The following TRIP11 variants were observed in gnomAD, a reference collection of about 807,000 sequenced individuals.
TRIP11 encodes the protein thyroid hormone receptor interactor 11.
TRIP11 carries 148 observed loss-of-function variants against 223.1 expected under a neutral mutation model. That is an observed-to-expected ratio of 0.66 (90% confidence interval 0.58 to 0.76). The LOEUF (loss-of-function observed/expected upper bound fraction) is 0.76. TRIP11 is among the 30% of genes least tolerant of loss of function. TRIP11 has a pLI of 0.00. For synonymous variants in TRIP11, 762 were observed against 772.6 expected (o/e 0.99, Z 0.23); for missense variants, 2,043 against 2,222.0 (o/e 0.92, Z 1.62).
intron 10 of TRIP11, among the ~76,000 whole-genome samples, chr14:92,006,859 G>C (rs944572148): frequency 7.2e-5 from 11 of 151,754 alleles, no homozygotes; most frequent in African/African-American, 2.7e-4. Context: ...GTAGAGATGG[G>C]GTTTCTCCAT....
intron 11 of TRIP11, among the ~76,000 whole-genome samples, chr14:92,001,965 A>C (rs1400767759): frequency 6.6e-6 from 1 of 152,210 alleles, no homozygotes; most frequent in Non-Finnish European, 1.5e-5. Flanking sequence ...ACTTTAATCC[A>C]AGACTCTAAG....
chr14:91,988,309 TTC>T lies in TRIP11; in HGVS notation c.5233_5234del (p.Glu1745ThrfsTer3). 6.2e-7 allele frequency: 1 copy of T among 1,613,140 alleles called. No individual in the cohort carries two copies. Among genetic ancestry groups the T allele is most frequent in the Non-Finnish European group, 8.5e-7 (1 of 1,179,752 alleles). Reference protein sequence around the residue: ...RLTEQLDVKEEQIEELKRQNE... With the variant: ...RLTEQLDVKEXQIEELKRQNE... ...TTTGTCTTTTAAGTTCTTCAATTTGTTCTTCTTTTACATCTAACTGTTCTGTA... is the reference window on the plus strand; with the variant it reads ...TTTGTCTTTTAAGTTCTTCAATTTGTTTCTTTTACATCTAACTGTTCTGTA... On this transcript the variant is annotated frameshift_variant, in exon 16 of 21. Transcript: ENST00000267622. LOFTEE classifies it high-confidence loss of function.
intron 10 of TRIP11, among the ~76,000 whole-genome samples, chr14:92,007,215 G>A (rs145118468): frequency 3.3e-5 from 5 of 151,868 alleles, no homozygotes; most frequent in African/African-American, 7.2e-5. Context: ...TAGTAGAGAC[G>A]GGGTTTCACC....
intron 13 of TRIP11, among the ~76,000 whole-genome samples, chr14:91,996,864 G>C (rs1050229695): frequency 3.3e-5 from 5 of 152,134 alleles, no homozygotes; most frequent in Non-Finnish European, 7.4e-5. Flanking sequence ...AGTCCTAAGA[G>C]GTAGATATAG....
At chr14:92,007,290 C>T (rs2056917254) in intron 10 of TRIP11, among the ~76,000 whole-genome samples, 2 of 151,076 alleles carry the variant, frequency 1.3e-5, no homozygotes, top group South Asian at 4.2e-4. Context: ...TCCCAAAGTG[C>T]TAGGATGACA....
At chr14:92,026,736 G>A in intron 2 of TRIP11, 2 of 1,051,646 alleles carry the variant, frequency 1.9e-6, no homozygotes, top group Non-Finnish European at 3.0e-6. Context: ...AAGGTGGGGA[G>A]GAAGAGGAGG....
In TRIP11 at chr14:91,999,356, T is replaced by C. The variant is rs370124193; in HGVS notation, c.4776A>G (p.Glu1592=). The C allele has an allele frequency of 3.7e-6, 6 of 1,613,770 alleles. No homozygotes were observed. Among genetic ancestry groups the C allele is most frequent in the Non-Finnish European group, 5.1e-6 (6 of 1,179,870 alleles). Residue 1592 remains glutamate, a synonymous_variant, in exon 13 of 21, where the codon GAA becomes GAG. Coordinates refer to ENST00000267622, the MANE Select transcript of TRIP11 (RefSeq NM_004239.4). ...CCAAAGCTTCACGGGTATAAGAATC[T>C]TCTGATTCTAAAAGATGATTACGCA... ...ERLRNHLLES[E]DSYTREALAA...
intron 19 of TRIP11, among the ~76,000 whole-genome samples, chr14:91,973,909 T>C (rs992445438): frequency 6.6e-6 from 1 of 152,118 alleles, no homozygotes; most frequent in Non-Finnish European, 1.5e-5. Flanking sequence ...GCGCCTGTTA[T>C]CCCAGCTACT....
chr14:91,993,160 C>T (rs1046411546), intron 15 of TRIP11, among the ~76,000 whole-genome samples: 5 of 150,754 alleles, frequency 3.3e-5, no homozygotes, highest in Non-Finnish European at 7.4e-5. Context: ...CACAGAGGTA[C>T]AAATTTAAAA....
intron 15 of TRIP11, 36 bp downstream of exon 15, chr14:91,993,773 T>C (rs1241652675): frequency 6.7e-7 from 1 of 1,488,458 alleles, no homozygotes; most frequent in Non-Finnish European, 9.4e-7. Context: ...GTTCCATGAA[T>C]AATAAAACCT....
At position 92,004,344 on chromosome 14, in the gene TRIP11, C is replaced by T. The variant is rs773081864; in HGVS notation, c.3632G>A (p.Arg1211His). The T allele has an allele frequency of 9.9e-6, 16 of 1,613,972 alleles. No individual in the cohort carries two copies. Among genetic ancestry groups the T allele is most frequent in the Middle Eastern group, 1.6e-4 (1 of 6,084 alleles). ...SNQFEELLQE[R>H]DKLKQQVKKM... The stretch of plus-strand genomic sequence containing the variant: ...CTTTACTTGCTGTTTTAACTTGTCA[C>T]GTTCCTGTAGAAGCTCCTCAAATTG... Residue 1211 changes from arginine (R) to histidine (H), a missense_variant, in exon 11 of 21, where the codon CGT becomes CAT. Arg to His is a conservative substitution (Grantham distance 29). Coordinates refer to ENST00000267622, the MANE Select transcript of TRIP11 (RefSeq NM_004239.4).
chr14:92,030,981 G>A (rs1414139716), intron 2 of TRIP11, among the ~76,000 whole-genome samples: 1 of 150,224 alleles, frequency 6.7e-6, no homozygotes, highest in African/African-American at 2.5e-5. Flanking sequence ...CTGGGCATGT[G>A]GCTCATGCCT....
chr14:92,000,234 C>T lies in TRIP11; in HGVS notation c.4558-126G>A, dbSNP rs114614060. 4.8e-6 allele frequency: 7 copies of T among 1,447,936 alleles called. No homozygotes were observed. The African/African-American group carries it at 7.1e-5, about 15-fold the overall frequency. 89.7% of individuals were successfully genotyped at this position (1,447,936 alleles called of 1,614,324 possible). A position where few individuals can be genotyped will look rare whatever the true frequency, so the allele number is the denominator to read the frequency against. ...ATAGGGCAGCCTCCCGATTTACTCTCTGAGTAGGCTCAGAGAGACTCCTAG... is the reference window on the plus strand; with the variant it reads ...ATAGGGCAGCCTCCCGATTTACTCTTTGAGTAGGCTCAGAGAGACTCCTAG... On this transcript the variant is annotated intron_variant, in intron 11 of 20. Coordinates refer to ENST00000267622, the MANE Select transcript of TRIP11 (RefSeq NM_004239.4).
Position 91,969,562 on chromosome 14 carries a change from T to C in TRIP11, c.*111A>G, listed in dbSNP as rs994779372. ...TTTATTAAATTCAGAGAAAGCATAA[T>C]TGCGAACAAATACATGACTTTCTCC... On this transcript the variant is annotated 3_prime_UTR_variant, in exon 21 of 21. Transcript: ENST00000267622. 4.8e-6 allele frequency: 5 copies of C among 1,052,380 alleles called. No individual in the cohort carries two copies. The highest frequency in any genetic ancestry group is 1.6e-5 in the African/African-American group (1 of 64,196). 65.2% of individuals were successfully genotyped at this position (1,052,380 alleles called of 1,614,324 possible).
intron 5 of TRIP11, 60 bp downstream of exon 5, chr14:92,017,622 T>A (rs2057050688): frequency 7.6e-7 from 1 of 1,317,474 alleles, no homozygotes; most frequent in Non-Finnish European, 1.1e-6. Flanking sequence ...TTCAGGCCTA[T>A]GCTTTTAATA....
rs1214896156 is a variant in TRIP11, at chr14:92,021,716, G to A, written c.428C>T (p.Ser143Leu). ...ACTAATCCCATAAGCGAATGAAGATGATGCAGTGGTTGCTGGTACACCAGC... is the reference window on the plus strand; with the variant it reads ...ACTAATCCCATAAGCGAATGAAGATAATGCAGTGGTTGCTGGTACACCAGC... Reference protein sequence around the residue: ...SGAGVPATTASSSFAYGISHH... With the variant: ...SGAGVPATTALSSFAYGISHH... The change falls in exon 4 of 21, where the codon TCA (serine) becomes TTA (leucine). Residue 143 changes from serine (S) to leucine (L), a missense_variant. Coordinates refer to ENST00000267622, the MANE Select transcript of TRIP11 (RefSeq NM_004239.4). 1.2e-6 allele frequency: 2 copies of A among 1,614,180 alleles called. No individual in the cohort carries two copies. The highest frequency in any genetic ancestry group is 3.3e-5 in the Admixed American group (2 of 60,026).
In TRIP11 at chr14:92,011,793, C is replaced by T; in HGVS notation, c.1189G>A (p.Ala397Thr). ...CTCAATCTCATTATTTCATTTTCGG[C>T]ATCTGTAAAAACAGCAAATGAACTT... is the stretch of plus-strand genomic sequence containing the variant. ...VFRLQQALSD[A>T]ENEIMRLSSL... The change falls in exon 8 of 21, where the codon GCC (alanine) becomes ACC (threonine). Residue 397 changes from alanine to threonine, a missense_variant and splice_region_variant. By Grantham distance (58) the Ala-to-Thr change is moderately conservative. Transcript: ENST00000267622. 6.2e-7 allele frequency: 1 copy of T among 1,611,620 alleles called. No homozygotes were observed. Among genetic ancestry groups the T allele is most frequent in the Non-Finnish European group, 8.5e-7 (1 of 1,179,180 alleles).
rs757321847 is a variant in TRIP11, at chr14:92,006,093, A to C, written c.1883T>G (p.Met628Arg). 1 of 1,603,986 alleles carries C rather than the reference A, an allele frequency of 6.2e-7. No homozygotes were observed. Among genetic ancestry groups the C allele is most frequent in the Non-Finnish European group, 8.5e-7 (1 of 1,176,720 alleles). The change falls in exon 11 of 21, where the codon ATG (methionine) becomes AGG (arginine). Residue 628 changes from methionine (M) to arginine (R), a missense_variant. Physicochemically the swap from Met to Arg is moderately conservative, Grantham distance 91. Coordinates refer to ENST00000267622, the MANE Select transcript of TRIP11 (RefSeq NM_004239.4). ...EELSRIRNEL[M>R]QSLNQDSNSN... is the part of the protein sequence containing the mutation. ...ATTAGAGTCTTGATTTAGAGACTGC[A>C]TTAACTCATTCCTTATTCTAGAAAG...
At chr14:91,988,516 A>G in intron 15 of TRIP11, 133 bp from the exon 16 acceptor site, 2 of 715,250 alleles carry the variant, frequency 2.8e-6, no homozygotes, top group Non-Finnish European at 2.4e-6. Context: ...GGGCAAATGT[A>G]TCCAACCAAT....
Sources: allele counts gnomAD v4.1 joint callset (sites outside exome capture counted in the v4.1 genomes callset), GRCh38; gene constraint gnomAD v4.1.1; transcripts MANE v1.5; gene names NCBI Gene and HGNC (gene_info 2026-07-23, HGNC 2026-07-21).